The following PDE4D variants were observed in gnomAD, a reference collection of about 807,000 sequenced individuals.
PDE4D encodes phosphodiesterase 4D, also known as 3',5'-cyclic-AMP phosphodiesterase 4D.
In PDE4D, 24 loss-of-function variants were observed where a neutral mutation model predicts 87.4. That is an observed-to-expected ratio of 0.27 (90% CI 0.20 to 0.39). The LOEUF (loss-of-function observed/expected upper bound fraction) is 0.39, where lower values mean the gene tolerates loss of function less well. PDE4D is among the 10% of genes least tolerant of loss of function. PDE4D has a pLI of 1.00. For missense variants in PDE4D, 714 were observed against 1,041.0 expected (o/e 0.69, Z 4.32); for synonymous variants, 384 against 383.2 (o/e 1.00, Z -0.02).
At chr5:59,497,265 T>G (rs1807391090) in intron 1 of PDE4D, among the ~76,000 whole-genome samples, 2 of 147,490 alleles carry the variant, frequency 1.4e-5, no homozygotes, top group African/African-American at 5.4e-5. Context: ...GCACAAGAAC[T>G]CTGGCAATAC....
At chr5:59,837,493 T>C (rs983497586) in intron 1 of PDE4D, among the ~76,000 whole-genome samples, 8 of 152,082 alleles carry the variant, frequency 5.3e-5, no homozygotes, top group Admixed American at 1.3e-4. Flanking sequence ...ATGTGCATTG[T>C]CTGTTTTGTT....
intron 2 of PDE4D, among the ~76,000 whole-genome samples, chr5:60,059,457 T>C (rs747178344): frequency 2.8e-4 from 43 of 151,972 alleles, no homozygotes; most frequent in Non-Finnish European, 5.9e-4. Context: ...AAAACCCTAA[T>C]GGTAGTAAGG....
intron 1 of PDE4D, among the ~76,000 whole-genome samples, chr5:59,343,956 C>G (rs1372432908): frequency 1.3e-5 from 2 of 151,988 alleles, no homozygotes; most frequent in Non-Finnish European, 2.9e-5. Context: ...TGAATGCAAC[C>G]TAACAAAATG....
chr5:59,547,561 A>G (rs1357092840), intron 1 of PDE4D, among the ~76,000 whole-genome samples: 1 of 152,196 alleles, frequency 6.6e-6, no homozygotes, highest in Admixed American at 6.6e-5. Context: ...ATCTCAGATA[A>G]GAATTCCTTT....
intron 2 of PDE4D, among the ~76,000 whole-genome samples, chr5:60,103,001 A>G (rs565744661): frequency 2.0e-3 from 299 of 152,074 alleles, no homozygotes; most frequent in African/African-American, 6.9e-3. Flanking sequence ...CAGAAAACAG[A>G]AAAAACACCC....
chr5:60,125,253 A>G (rs1779031457), intron 2 of PDE4D, among the ~76,000 whole-genome samples: 1 of 152,070 alleles, frequency 6.6e-6, no homozygotes, highest in Non-Finnish European at 1.5e-5. Flanking sequence ...CAGTATCTCT[A>G]TTTGCACAGT....
intron 1 of PDE4D, among the ~76,000 whole-genome samples, chr5:60,448,425 T>C (rs1561268887): frequency 6.6e-6 from 1 of 152,148 alleles, no homozygotes; most frequent in Non-Finnish European, 1.5e-5. Context: ...ACATAAAGCA[T>C]TTTGCAACAG....
chr5:59,993,471 G>A lies in PDE4D; in HGVS notation c.43-4754C>T, dbSNP rs891689097. Among the ~76,000 whole-genome samples the A allele has an allele frequency of 7.8e-4, 118 of 152,094 alleles. 2 individuals carry two copies. Among genetic ancestry groups the A allele is most frequent in the Admixed American group, 2.6e-4 (4 of 15,270 alleles). ...CTGTTAAAATAATGTAGAAGAATAC[G>A]TAATCATGTTAATGACACAATGTTG... On this transcript the variant is annotated intron_variant, in intron 2 of 16. Transcript: ENST00000502484.
intron 1 of PDE4D, among the ~76,000 whole-genome samples, chr5:59,786,724 C>T (rs1293311889): frequency 6.6e-6 from 1 of 152,294 alleles, no homozygotes; most frequent in East Asian, 1.9e-4. Flanking sequence ...CAGAGGAAGC[C>T]TCAGGCGTTC....
intron 3 of PDE4D, among the ~76,000 whole-genome samples, chr5:59,954,086 C>T (rs1045345589): frequency 8.6e-5 from 12 of 139,884 alleles, no homozygotes; most frequent in African/African-American, 1.9e-4. Context: ...CCACCATGCC[C>T]GGCTAATTTT....
intron 1 of PDE4D, among the ~76,000 whole-genome samples, chr5:59,455,254 TTCATGGG>T (rs1168137063): frequency 6.6e-6 from 1 of 152,164 alleles, no homozygotes; most frequent in Non-Finnish European, 1.5e-5. Context: ...AAAAAATGGT[TTCATGGG>T]TCAGGCCCAG....
intron 5 of PDE4D, among the ~76,000 whole-genome samples, chr5:59,074,193 A>C (rs973890861): frequency 3.3e-5 from 5 of 152,226 alleles, no homozygotes; most frequent in Non-Finnish European, 4.4e-5. Context: ...ATAAATGATT[A>C]GTCAAGAAAG....
At chr5:60,296,348 C>T (rs1449893081) in intron 1 of PDE4D, among the ~76,000 whole-genome samples, 6 of 152,112 alleles carry the variant, frequency 3.9e-5, no homozygotes, top group African/African-American at 1.4e-4. Flanking sequence ...ATGACAGCAG[C>T]CTAGTCTTCA....
intron 1 of PDE4D, among the ~76,000 whole-genome samples, chr5:60,200,791 A>C (rs1741811873): frequency 6.6e-6 from 1 of 152,196 alleles, no homozygotes; most frequent in Non-Finnish European, 1.5e-5. Flanking sequence ...ATGAGTTTAC[A>C]CACTCTGGAA....
intron 1 of PDE4D, among the ~76,000 whole-genome samples, chr5:59,641,672 T>C (rs1741606238): frequency 1.3e-5 from 2 of 152,212 alleles, no homozygotes; most frequent in Non-Finnish European, 1.5e-5. Flanking sequence ...CTCATCCCTC[T>C]GAAATGGCTA....
In PDE4D at chr5:59,721,733, G is replaced by A. The variant is rs190782001; in HGVS notation, c.455+171435C>T. On this transcript the variant is annotated intron_variant, in intron 1 of 14. Transcript: ENST00000340635. ...TAGCAATAATTTTTGAAATAATTAG[G>A]TCAGAGTCCTGCATAAAAGATGCTA... 2.3e-3 allele frequency among the ~76,000 whole-genome samples: 344 copies of A among 152,146 alleles called. 1 individual carries two copies. Among genetic ancestry groups the A allele is most frequent in the Non-Finnish European group, 3.4e-3 (234 of 68,010 alleles).
intron 1 of PDE4D, among the ~76,000 whole-genome samples, chr5:59,680,829 A>G (rs1293692256): frequency 1.3e-5 from 2 of 152,138 alleles, no homozygotes; most frequent in East Asian, 1.9e-4. Flanking sequence ...AACTTCTCAC[A>G]GAGTTACAGA....
At chr5:60,069,298 A>T (rs374162416) in intron 2 of PDE4D, among the ~76,000 whole-genome samples, 20 of 152,292 alleles carry the variant, frequency 1.3e-4, no homozygotes, top group South Asian at 1.0e-3. Context: ...AATAAAAGAC[A>T]TCTGAGAGGA....
chr5:59,524,295 A>C (rs960920860), intron 1 of PDE4D, among the ~76,000 whole-genome samples: 32 of 152,220 alleles, frequency 2.1e-4, no homozygotes, highest in African/African-American at 2.2e-4. Context: ...TTTGACCAAA[A>C]TGCTTATAGT....
Sources: allele counts gnomAD v4.1 joint callset (sites outside exome capture counted in the v4.1 genomes callset), GRCh38; gene constraint gnomAD v4.1.1; transcripts MANE v1.5; gene names NCBI Gene and HGNC (gene_info 2026-07-23, HGNC 2026-07-21).